Variants in BCKDHB observed in about 807,000 individuals in gnomAD.
The protein encoded by BCKDHB is 2-oxoisovalerate dehydrogenase subunit beta, mitochondrial.
BCKDHB carries 41 observed loss-of-function variants against 48.5 expected under a neutral mutation model. The ratio of observed to expected loss-of-function variants is 0.85; its 90% confidence interval spans 0.66 to 1.10. The LOEUF (loss-of-function observed/expected upper bound fraction) is 1.10. BCKDHB is among the 50% of genes least tolerant of loss of function. BCKDHB has a pLI of 0.00. For synonymous variants in BCKDHB, 201 were observed against 174.8 expected (o/e 1.15, Z -1.18); for missense variants, 496 against 494.2 (o/e 1.00, Z -0.03).
intron 9 of BCKDHB, among the ~76,000 whole-genome samples, chr6:80,330,498 G>A: frequency 6.6e-6 from 1 of 152,000 alleles, no homozygotes; most frequent in East Asian, 1.9e-4. Flanking sequence ...GATCCATTTG[G>A]GCTTGTAAAT....
intron 3 of BCKDHB, among the ~76,000 whole-genome samples, chr6:80,131,790 A>C (rs942826971): frequency 6.6e-6 from 1 of 151,776 alleles, no homozygotes; most frequent in African/African-American, 2.4e-5. Flanking sequence ...CTACAGCCGC[A>C]TACCACCATG....
At chr6:80,462,766 TG>T in the BCKDHB span, 1 of 152,216 alleles carries the variant, frequency 6.6e-6, no homozygotes. Context: ...TCCATGAATT[TG>T]TGGGAATCAA....
At chr6:80,133,705 C>T (rs1051271092) in intron 3 of BCKDHB, among the ~76,000 whole-genome samples, 3 of 151,752 alleles carry the variant, frequency 2.0e-5, no homozygotes, top group Non-Finnish European at 4.4e-5. Flanking sequence ...TGCAGTAATG[C>T]GATCACGGCT....
At chr6:80,360,202 C>T in the BCKDHB span, among the ~76,000 whole-genome samples, 4,264 of 152,260 alleles carry the variant, frequency 0.028, 94 homozygotes, top group South Asian at 0.071. Context: ...TAATGGTTAC[C>T]TGTCTTGTGT....
intron 3 of BCKDHB, among the ~76,000 whole-genome samples, chr6:80,133,663 G>A (rs1770741586): frequency 6.6e-6 from 1 of 151,160 alleles, no homozygotes; most frequent in Admixed American, 6.6e-5. Context: ...TTTTTTTTAA[G>A]ACAGAGTCTT....
the BCKDHB span, among the ~76,000 whole-genome samples, chr6:80,437,834 T>C: frequency 6.6e-6 from 1 of 152,176 alleles, no homozygotes; most frequent in Non-Finnish European, 1.5e-5. Flanking sequence ...CAAGGAGTCA[T>C]GGGATATATT....
At position 80,210,492 on chromosome 6, in the gene BCKDHB, G is replaced by A. The variant is rs1774872789; in HGVS notation, c.951+7280G>A. On this transcript the variant is annotated intron_variant, in intron 8 of 9. Coordinates refer to ENST00000320393, the MANE Select transcript of BCKDHB (RefSeq NM_183050.4). ...GTTGCTGGTAACAGTTTCTTGTTCTGAGTGCTGATTATTCAGGTTAAATTT... is the reference window on the plus strand; with the variant it reads ...GTTGCTGGTAACAGTTTCTTGTTCTAAGTGCTGATTATTCAGGTTAAATTT... Among the ~76,000 whole-genome samples, 2 of 152,018 alleles carry A rather than the reference G, an allele frequency of 1.3e-5. 1 individual carries two copies. The highest frequency in any genetic ancestry group is 4.1e-4 in the South Asian group (2 of 4,824).
the BCKDHB span, among the ~76,000 whole-genome samples, chr6:80,392,828 C>G: frequency 6.8e-6 from 1 of 146,954 alleles, no homozygotes; most frequent in South Asian, 2.1e-4. Context: ...CTGGGTCATT[C>G]TAATTCCCAC....
chr6:80,312,134 C>T (rs542248185), intron 9 of BCKDHB, among the ~76,000 whole-genome samples: 1 of 152,190 alleles, frequency 6.6e-6, no homozygotes, highest in African/African-American at 2.4e-5. Flanking sequence ...TGAAGAGGTC[C>T]TTCACTTCCC....
At chr6:80,314,612 CAACAA>C (rs1430846643) in intron 9 of BCKDHB, among the ~76,000 whole-genome samples, 2 of 152,156 alleles carry the variant, frequency 1.3e-5, no homozygotes, top group Non-Finnish European at 2.9e-5. Context: ...GGCAATGCCT[CAACAA>C]AACAGCTGTG....
chr6:80,120,025 C>T (rs551058575), intron 1 of BCKDHB, among the ~76,000 whole-genome samples: 15 of 152,160 alleles, frequency 9.9e-5, no homozygotes, highest in African/African-American at 2.9e-4. Context: ...TCCCAATCCC[C>T]GACAGGCCCT....
At chr6:80,214,892 G>A (rs1775099201) in intron 8 of BCKDHB, among the ~76,000 whole-genome samples, 1 of 152,130 alleles carries the variant, frequency 6.6e-6, no homozygotes, top group East Asian at 1.9e-4. Flanking sequence ...CTATTGCTAG[G>A]TAAAATTATA....
intron 1 of BCKDHB, among the ~76,000 whole-genome samples, chr6:80,113,115 C>T (rs763644562): frequency 6.6e-6 from 1 of 152,172 alleles, no homozygotes; most frequent in Non-Finnish European, 1.5e-5. Flanking sequence ...CATAAGAACC[C>T]TGTAGGAGAA....
At chr6:80,305,006 C>G (rs137997298) in intron 9 of BCKDHB, among the ~76,000 whole-genome samples, 251 of 152,124 alleles carry the variant, frequency 1.6e-3, no homozygotes, top group African/African-American at 5.8e-3. Flanking sequence ...CCTACTGAAA[C>G]TAATTATATT....
chr6:80,261,026 CTG>C (rs1777278793), intron 8 of BCKDHB, among the ~76,000 whole-genome samples: 1 of 152,140 alleles, frequency 6.6e-6, no homozygotes, highest in African/African-American at 2.4e-5. Flanking sequence ...AAGTCAGAGA[CTG>C]TGTTCTCTGG....
At chr6:80,382,616 G>T in the BCKDHB span, among the ~76,000 whole-genome samples, 1 of 152,018 alleles carries the variant, frequency 6.6e-6, no homozygotes, top group Admixed American at 6.6e-5. Flanking sequence ...ATTGCACTCT[G>T]CAGGGGATTG....
chr6:80,263,435 A>C (rs1777384153), intron 8 of BCKDHB, among the ~76,000 whole-genome samples: 1 of 152,178 alleles, frequency 6.6e-6, no homozygotes. Context: ...GTGCCATCTT[A>C]GTTATATACA....
At chr6:80,126,300 C>T (rs1025202665) in intron 1 of BCKDHB, among the ~76,000 whole-genome samples, 2 of 151,870 alleles carry the variant, frequency 1.3e-5, no homozygotes, top group East Asian at 1.9e-4. Flanking sequence ...TCTGGAGTAT[C>T]GGTGGATAAT....
chr6:80,233,441 C>A (rs1447333744), intron 8 of BCKDHB, among the ~76,000 whole-genome samples: 1 of 152,148 alleles, frequency 6.6e-6, no homozygotes, highest in East Asian at 1.9e-4. Flanking sequence ...CTTATCTAAA[C>A]ATTCACATTC....
Sources: allele counts gnomAD v4.1 joint callset (sites outside exome capture counted in the v4.1 genomes callset), GRCh38; gene constraint gnomAD v4.1.1; transcripts MANE v1.5; gene names NCBI Gene and HGNC (gene_info 2026-07-23, HGNC 2026-07-21).